CLYBL: variants seen among roughly 807,000 people sequenced by gnomAD.
The protein encoded by CLYBL is citramalyl-CoA lyase, also known as citramalyl-CoA lyase, mitochondrial.
CLYBL carries 31 observed loss-of-function variants against 38.9 expected under a neutral mutation model. The ratio of observed to expected loss-of-function variants is 0.80; its 90% confidence interval spans 0.60 to 1.08. The LOEUF is 1.08. CLYBL is among the 50% of genes least tolerant of loss of function. The pLI, the probability that CLYBL is intolerant of heterozygous loss-of-function variation, is 0.00. For missense variants in CLYBL, 434 were observed against 411.6 expected (o/e 1.05, Z -0.47); for synonymous variants, 171 against 158.6 (o/e 1.08, Z -0.59).
intron 1 of CLYBL, among the ~76,000 whole-genome samples, chr13:99,682,723 C>G (rs780776953): frequency 2.0e-5 from 3 of 151,990 alleles, no homozygotes; most frequent in Non-Finnish European, 4.4e-5. Context: ...GTAAATTAAC[C>G]TTAGCTTACT....
At chr13:99,875,463 G>A (rs1418723397) in intron 7 of CLYBL, among the ~76,000 whole-genome samples, 2 of 152,112 alleles carry the variant, frequency 1.3e-5, no homozygotes, top group Non-Finnish European at 2.9e-5. Flanking sequence ...TCTGATTGCT[G>A]CTCGCACACC....
At chr13:99,668,780 C>T (rs1350257714) in intron 1 of CLYBL, among the ~76,000 whole-genome samples, 1 of 151,942 alleles carries the variant, frequency 6.6e-6, no homozygotes, top group East Asian at 1.9e-4. Flanking sequence ...GGTGTCCTGG[C>T]CAGGTCCAAG....
chr13:99,708,135 C>A (rs1290197601), intron 1 of CLYBL, among the ~76,000 whole-genome samples: 5 of 152,298 alleles, frequency 3.3e-5, no homozygotes, highest in African/African-American at 1.2e-4. Context: ...CCCACTACCA[C>A]ACCCGGCTAA....
At chr13:99,700,895 T>C (rs1328728207) in intron 1 of CLYBL, among the ~76,000 whole-genome samples, 1 of 152,220 alleles carries the variant, frequency 6.6e-6, no homozygotes, top group African/African-American at 2.4e-5. Context: ...TGATTTAGTA[T>C]TCATTACGGA....
chr13:99,707,059 C>T (rs1566615691), intron 1 of CLYBL, among the ~76,000 whole-genome samples: 1 of 152,100 alleles, frequency 6.6e-6, no homozygotes, highest in South Asian at 2.1e-4. Flanking sequence ...CACTAAGCCC[C>T]CAAGACAAGA....
intron 1 of CLYBL, among the ~76,000 whole-genome samples, chr13:99,732,884 C>T (rs1183373575): frequency 1.3e-5 from 2 of 152,120 alleles, no homozygotes; most frequent in Admixed American, 1.3e-4. Flanking sequence ...TTAACAGAAG[C>T]ACATTGGTTT....
rs576586555 is a variant in CLYBL at position 99,641,215 on chromosome 13, T to C, written c.62+34458T>C. Among the ~76,000 whole-genome samples, 76 of 152,358 alleles carry C rather than the reference T, an allele frequency of 5.0e-4. 2 individuals carry two copies. In the South Asian group the frequency reaches 0.016, roughly 31 times the overall value. ...AATGATATAAGTTTTTTGATGATTT[T>C]AAAATATGAGTAATTAATCATTTAT... On this transcript the variant is annotated intron_variant, in intron 1 of 8. Coordinates refer to ENST00000339105, the MANE Select transcript of CLYBL (RefSeq NM_206808.5).
At chr13:99,727,171 A>AC (rs974987939) in intron 1 of CLYBL, 11 of 151,948 alleles carry the variant, frequency 7.2e-5, no homozygotes, top group South Asian at 4.2e-4. Context: ...AAAAAAAAAA[A>AC]AACTTTGTTT....
intron 1 of CLYBL, among the ~76,000 whole-genome samples, chr13:99,647,377 C>T (rs542083289): frequency 4.6e-5 from 7 of 152,220 alleles, no homozygotes; most frequent in African/African-American, 1.4e-4. Flanking sequence ...CTAGAGCTTC[C>T]CAATTCCATA....
At chr13:99,662,715 G>A (rs2047427331) in intron 1 of CLYBL, among the ~76,000 whole-genome samples, 1 of 151,992 alleles carries the variant, frequency 6.6e-6, no homozygotes, top group Non-Finnish European at 1.5e-5. Flanking sequence ...ATAAAGTGTG[G>A]CATATTTGTA....
At chr13:99,867,908 T>C (rs961019637) in intron 6 of CLYBL, among the ~76,000 whole-genome samples, 1 of 152,184 alleles carries the variant, frequency 6.6e-6, no homozygotes, top group African/African-American at 2.4e-5. Context: ...GCCCCAGAAC[T>C]TCTCTGGGAG....
chr13:99,667,078 T>G (rs2047492269), intron 1 of CLYBL, among the ~76,000 whole-genome samples: 1 of 152,112 alleles, frequency 6.6e-6, no homozygotes, highest in Non-Finnish European at 1.5e-5. Context: ...ATCTATGACT[T>G]TCACATAGAC....
rs1451379047 is a variant in CLYBL at position 99,869,311 on chromosome 13, C to T, written c.803-1627C>T. ...AGTTCCCATGAAATCTGGCTTTTTA[C>T]GCATTGGTGTAAATTATGTACATAA... is the stretch of plus-strand genomic sequence containing the variant. On this transcript the variant is annotated intron_variant, in intron 6 of 8. Transcript: ENST00000339105. The surrounding 1 kb of genome is among the most constrained non-coding windows in gnomAD (Gnocchi z 4.3). Among the ~76,000 whole-genome samples, 3 of 152,068 alleles carry T rather than the reference C, an allele frequency of 2.0e-5. No individual in the cohort carries two copies. Among genetic ancestry groups the T allele is most frequent in the Non-Finnish European group, 4.4e-5 (3 of 67,980 alleles).
Position 99,754,416 on chromosome 13 carries a change from C to CAAAAAAA in CLYBL, c.63-18391_63-18385dup, listed in dbSNP as rs1172376194. 1.2e-3 allele frequency among the ~76,000 whole-genome samples: 84 copies of CAAAAAAA among 71,858 alleles called. 5 individuals are homozygous for CAAAAAAA. The highest frequency in any genetic ancestry group is 1.8e-3 in the African/African-American group (31 of 17,468). The allele number at this position is 71,858 out of a possible 152,430, so 47.1% of individuals were successfully genotyped here. A position where few individuals can be genotyped will look rare whatever the true frequency, so the allele number is the denominator to read the frequency against. On this transcript the variant is annotated intron_variant, in intron 1 of 8. Coordinates refer to ENST00000339105, the MANE Select transcript of CLYBL (RefSeq NM_206808.5). ...TGGGCAACAGCGTGAGACCCTGTCT[C>CAAAAAAA]AAAAAAAAAAAAAAAAAAAAAAAGA... is the stretch of plus-strand genomic sequence containing the variant.
intron 1 of CLYBL, among the ~76,000 whole-genome samples, chr13:99,733,950 A>G (rs1436910374): frequency 1.3e-5 from 2 of 152,202 alleles, no homozygotes; most frequent in Non-Finnish European, 2.9e-5. Context: ...AGAAAGTTCT[A>G]ATGGATGTTT....
At chr13:99,832,688 A>T (rs1387662354) in intron 2 of CLYBL, among the ~76,000 whole-genome samples, 1 of 152,074 alleles carries the variant, frequency 6.6e-6, no homozygotes, top group East Asian at 1.9e-4. Flanking sequence ...CAAGCTGGCC[A>T]TTTACCACTT....
intron 2 of CLYBL, among the ~76,000 whole-genome samples, chr13:99,814,192 A>G (rs2050396774): frequency 6.6e-6 from 1 of 152,160 alleles, no homozygotes; most frequent in South Asian, 2.1e-4. Flanking sequence ...CAAAAAGACA[A>G]TTCTCTCCCT....
chr13:99,829,493 C>G (rs965018420), intron 2 of CLYBL, among the ~76,000 whole-genome samples: 1 of 152,164 alleles, frequency 6.6e-6, no homozygotes, highest in African/African-American at 2.4e-5. Context: ...AAGAGATCTA[C>G]TTTATTTTAT....
chr13:99,806,761 C>T (rs926611252), intron 2 of CLYBL, among the ~76,000 whole-genome samples: 2 of 152,216 alleles, frequency 1.3e-5, no homozygotes, highest in Non-Finnish European at 2.9e-5. Context: ...GATTTTTCCT[C>T]CTCTTACCAT....
Sources: allele counts gnomAD v4.1 joint callset (sites outside exome capture counted in the v4.1 genomes callset), GRCh38; gene constraint gnomAD v4.1.1; non-coding constraint Gnocchi (gnomAD v3.1); transcripts MANE v1.5; gene names NCBI Gene and HGNC (gene_info 2026-07-23, HGNC 2026-07-21).